Variants in PCLO observed in about 807,000 individuals in gnomAD.
The protein encoded by PCLO is piccolo presynaptic cytomatrix protein, also known as protein piccolo.
In PCLO, 82 loss-of-function variants were observed where a neutral mutation model predicts 427.5. The ratio of observed to expected loss-of-function variants is 0.19; its 90% CI spans 0.16 to 0.23. The LOEUF (loss-of-function observed/expected upper bound fraction) is 0.23, where lower values mean the gene tolerates loss of function less well. Among genes scored for constraint, PCLO ranks in the 10% least tolerant of loss-of-function variants. PCLO has a pLI of 1.00. For synonymous variants in PCLO, 2,357 were observed against 2,155.4 expected (o/e 1.09, Z -2.59); for missense variants, 6,239 against 6,115.9 (o/e 1.02, Z -0.67).
At position 82,900,586 on chromosome 7, in the gene PCLO, C is replaced by CA. The variant is rs1260055672; in HGVS notation, c.13528+2064dup. 2.6e-5 allele frequency among the ~76,000 whole-genome samples: 4 copies of CA among 151,344 alleles called. No homozygotes were observed. In the East Asian group the frequency reaches 7.8e-4, roughly 30 times the overall value. ...TAATATAAAAATTTCATACATCTTT[C>CA]AAAAAGCTTCCAGGTCATGAAAGGC... On this transcript the variant is annotated intron_variant, in intron 9 of 24. Transcript: ENST00000333891.
At chr7:83,120,615 T>A (rs1791252932) in intron 3 of PCLO, among the ~76,000 whole-genome samples, 1 of 151,916 alleles carries the variant, frequency 6.6e-6, no homozygotes, top group Non-Finnish European at 1.5e-5. Context: ...GAAAATAACA[T>A]AAACATGAGC....
chr7:83,105,764 C>T (rs1446203423), intron 3 of PCLO, among the ~76,000 whole-genome samples: 1 of 152,140 alleles, frequency 6.6e-6, no homozygotes, highest in Non-Finnish European at 1.5e-5. Flanking sequence ...TTACTGAGAA[C>T]TAAGTGTGCC....
At position 82,952,845 on chromosome 7, in the gene PCLO, A is replaced by G. The variant is rs1247382225; in HGVS notation, c.8108T>C (p.Leu2703Pro). 2.5e-6 allele frequency: 4 copies of G among 1,613,346 alleles called. No individual in the cohort carries two copies. In the African/African-American group the frequency reaches 4.0e-5, roughly 16 times the overall value. Residue 2703 changes from leucine to proline, a missense_variant, in exon 5 of 25, where the codon CTT becomes CCT. Transcript: ENST00000333891. ...CTCTAAATGTATGTTATCTAGAGCA[A>G]GAGGCTCTGGAGGAATTGTTATGGA... ...SISITIPPEP[L>P]ALDNIHLEKP...
chr7:83,123,378 G>C (rs1203025111), intron 3 of PCLO, among the ~76,000 whole-genome samples: 3 of 152,172 alleles, frequency 2.0e-5, no homozygotes, highest in Admixed American at 2.0e-4. Context: ...CTTGGGGAAA[G>C]TGTATTCTCT....
chr7:83,003,366 T>C (rs1164910640), intron 3 of PCLO, among the ~76,000 whole-genome samples: 6 of 151,812 alleles, frequency 4.0e-5, no homozygotes, highest in Admixed American at 1.3e-4. Flanking sequence ...TATAAATGCA[T>C]ACTCAACAAA....
intron 21 of PCLO, among the ~76,000 whole-genome samples, chr7:82,804,368 C>G (rs1207532704): frequency 6.6e-6 from 1 of 152,062 alleles, no homozygotes; most frequent in African/African-American, 2.4e-5. Flanking sequence ...TTCAAAACAA[C>G]AAAATGAACT....
chr7:82,788,454 T>A (rs1160019892), intron 22 of PCLO, among the ~76,000 whole-genome samples: 1 of 151,898 alleles, frequency 6.6e-6, no homozygotes, highest in Non-Finnish European at 1.5e-5. Context: ...TCCTTAATGT[T>A]CTCAGCGAAC....
At chr7:83,129,156 A>G (rs1791511088) in intron 3 of PCLO, among the ~76,000 whole-genome samples, 2 of 152,174 alleles carry the variant, frequency 1.3e-5, no homozygotes, top group African/African-American at 4.8e-5. Flanking sequence ...CTTGATAGCT[A>G]CACCTCTCAG....
Position 83,156,113 on chromosome 7 carries a change from A to G in PCLO, c.528T>C (p.Phe176=). ...VSSVVNKFNP[F]DLISDSEASQ... ...ATGCCTCAGAGTCTGATATCAAATC[A>G]AAAGGGTTGAATTTATTTACAACAG... The change falls in exon 2 of 25, where the codon TTT becomes TTC. Residue 176 remains phenylalanine, a synonymous_variant. Transcript: ENST00000333891. The G allele has an allele frequency of 6.2e-7, 1 of 1,613,810 alleles. No individual in the cohort carries two copies. The highest frequency in any genetic ancestry group is 8.5e-7 in the Non-Finnish European group (1 of 1,179,844).
chr7:83,056,859 T>G (rs1164368100), intron 3 of PCLO, among the ~76,000 whole-genome samples: 1 of 152,064 alleles, frequency 6.6e-6, no homozygotes, highest in Non-Finnish European at 1.5e-5. Flanking sequence ...CTTCTATTGT[T>G]GTCGTAAACA....
At chr7:83,154,052 C>A (rs1792205076) in intron 2 of PCLO, among the ~76,000 whole-genome samples, 1 of 152,126 alleles carries the variant, frequency 6.6e-6, no homozygotes, top group Non-Finnish European at 1.5e-5. Flanking sequence ...ATCTATATCA[C>A]AATTAACCTT....
rs1219710267 is a variant in PCLO at position 82,758,310 on chromosome 7, T to A, written c.*265A>T. On this transcript the variant is annotated 3_prime_UTR_variant, in exon 25 of 25. Coordinates refer to ENST00000333891, the MANE Select transcript of PCLO (RefSeq NM_033026.6). ...GATTATTGTCTTAAGTAATCAAAAT[T>A]TGTTTCACAGTTTCTCTTCACAGCC... 1 of 309,840 alleles carries A rather than the reference T, an allele frequency of 3.2e-6. No homozygotes were observed. The highest frequency in any genetic ancestry group is 2.2e-5 in the African/African-American group (1 of 46,008). The allele number at this position is 309,840 out of a possible 1,614,324, so 19.2% of individuals were successfully genotyped here. A position where few individuals can be genotyped will look rare whatever the true frequency, so the allele number is the denominator to read the frequency against.
chr7:82,776,584 C>T (rs1333941787), intron 22 of PCLO, among the ~76,000 whole-genome samples: 2 of 152,230 alleles, frequency 1.3e-5, no homozygotes, highest in African/African-American at 4.8e-5. Context: ...CACTTGAAAT[C>T]AGAAGTTCCA....
intron 3 of PCLO, among the ~76,000 whole-genome samples, chr7:83,053,754 A>C (rs1049002218): frequency 6.6e-6 from 1 of 151,860 alleles, no homozygotes; most frequent in Non-Finnish European, 1.5e-5. Flanking sequence ...AATCTAGATA[A>C]TTACTTCCTA....
At chr7:83,079,007 C>T (rs2116389083) in intron 3 of PCLO, among the ~76,000 whole-genome samples, 1 of 152,160 alleles carries the variant, frequency 6.6e-6, no homozygotes, top group East Asian at 1.9e-4. Flanking sequence ...CATCAGAAGT[C>T]TTTAAATCCA....
chr7:82,832,934 C>A lies in PCLO; in HGVS notation c.14249+2733G>T, dbSNP rs150139758. 1.3e-3 allele frequency among the ~76,000 whole-genome samples: 198 copies of A among 151,890 alleles called. 1 individual carries two copies. The Middle Eastern group carries it at 0.034, about 26-fold the overall frequency. ...ATTTTGTAAGCTCTGTTTAATAGTG[C>A]GATGGTGTGCTTATTGTCTATCATT... is the stretch of plus-strand genomic sequence containing the variant. On this transcript the variant is annotated intron_variant, in intron 16 of 24. Transcript: ENST00000333891.
chr7:83,047,341 T>C (rs1789128184), intron 3 of PCLO, among the ~76,000 whole-genome samples: 1 of 152,028 alleles, frequency 6.6e-6, no homozygotes, highest in South Asian at 2.1e-4. Flanking sequence ...GATGTATGAT[T>C]AATTTTTAGG....
chr7:82,859,793 A>G (rs1393580657), intron 10 of PCLO, among the ~76,000 whole-genome samples: 3 of 152,318 alleles, frequency 2.0e-5, no homozygotes, highest in South Asian at 4.1e-4. Context: ...AATTCAAAAT[A>G]TTTGTGTTGA....
intron 3 of PCLO, among the ~76,000 whole-genome samples, chr7:82,991,760 G>A (rs912889934): frequency 8.6e-5 from 13 of 152,036 alleles, no homozygotes; most frequent in Non-Finnish European, 1.8e-4. Context: ...ATGTTGCTAT[G>A]GAACAACTAG....
Sources: gnomAD v4.1 joint callset for allele counts (sites outside exome capture counted in the v4.1 genomes callset) on GRCh38, gnomAD v4.1.1 for gene constraint, MANE v1.5 for transcripts, NCBI Gene and HGNC (gene_info 2026-07-23, HGNC 2026-07-21) for gene names.